ASIC2: variants seen among roughly 807,000 people sequenced by gnomAD.
ASIC2 encodes the protein acid-sensing ion channel 2.
Under a neutral mutation model 57.3 loss-of-function variants are expected in ASIC2, and 25 were observed. The observed-to-expected ratio is 0.44, with a 90% CI of 0.32 to 0.61. The LOEUF (loss-of-function observed/expected upper bound fraction) is 0.61, where lower values mean the gene tolerates loss of function less well. ASIC2 is among the 20% of genes least tolerant of loss of function. The pLI is 0.06. For synonymous variants in ASIC2, 319 were observed against 307.5 expected (o/e 1.04, Z -0.39); for missense variants, 641 against 738.1 (o/e 0.87, Z 1.52).
intron 1 of ASIC2, among the ~76,000 whole-genome samples, chr17:33,383,047 A>ACAAACAAACAAT (rs1016132557): frequency 2.0e-5 from 3 of 151,650 alleles, no homozygotes; most frequent in African/African-American, 7.3e-5. Context: ...AAACAAACAA[A>ACAAACAAACAAT]CAAACACCAC....
intron 1 of ASIC2, among the ~76,000 whole-genome samples, chr17:33,317,072 A>T (rs1201533297): frequency 1.3e-5 from 2 of 152,224 alleles, no homozygotes; most frequent in Admixed American, 1.3e-4. Flanking sequence ...CTTGGGTACC[A>T]TTCTTGTGTT....
At chr17:33,314,412 G>A (rs1372465655) in intron 1 of ASIC2, among the ~76,000 whole-genome samples, 1 of 152,064 alleles carries the variant, frequency 6.6e-6, no homozygotes, top group Admixed American at 6.6e-5. Flanking sequence ...CAAGAACTTG[G>A]GTATTCTTGA....
chr17:33,855,201 A>T (rs1913888648), intron 1 of ASIC2, among the ~76,000 whole-genome samples: 1 of 152,148 alleles, frequency 6.6e-6, no homozygotes, highest in Non-Finnish European at 1.5e-5. Flanking sequence ...AAGTGACCAT[A>T]ACTGGATCTG....
chr17:34,143,466 G>A (rs1214613592), intron 1 of ASIC2, among the ~76,000 whole-genome samples: 1 of 152,196 alleles, frequency 6.6e-6, no homozygotes, highest in Non-Finnish European at 1.5e-5. Context: ...ACTTCTTGTA[G>A]GAATGAATTA....
intron 1 of ASIC2, among the ~76,000 whole-genome samples, chr17:33,707,907 T>C (rs375723255): frequency 6.6e-6 from 1 of 152,344 alleles, no homozygotes; most frequent in East Asian, 1.9e-4. Context: ...TTGGGTCAGC[T>C]TGACTACCCT....
At chr17:33,187,104 C>T (rs368437139) in intron 1 of ASIC2, among the ~76,000 whole-genome samples, 2 of 152,232 alleles carry the variant, frequency 1.3e-5, no homozygotes, top group East Asian at 1.9e-4. Flanking sequence ...TTCTGAATCC[C>T]GGCGAAACCA....
intron 3 of ASIC2, among the ~76,000 whole-genome samples, chr17:33,078,598 C>G (rs1354376394): frequency 6.6e-6 from 1 of 152,122 alleles, no homozygotes. Context: ...AATAATAGCT[C>G]TTTTAGTTGA....
chr17:33,850,897 C>G (rs1468995816), intron 1 of ASIC2, among the ~76,000 whole-genome samples: 1 of 152,042 alleles, frequency 6.6e-6, no homozygotes, highest in East Asian at 1.9e-4. Flanking sequence ...ATGACTTGGA[C>G]TTGGCCGTCC....
intron 1 of ASIC2, chr17:34,118,711 C>G (rs1274122583): frequency 1.3e-5 from 2 of 152,366 alleles, no homozygotes; most frequent in Middle Eastern, 3.4e-3. Flanking sequence ...TGTGTTCCAG[C>G]CAGCTGAGTC....
intron 1 of ASIC2, among the ~76,000 whole-genome samples, chr17:33,973,028 A>C (rs1193762842): frequency 6.6e-6 from 1 of 152,274 alleles, no homozygotes; most frequent in Non-Finnish European, 1.5e-5. Context: ...GCCAGCCCTG[A>C]ATGTGGCACA....
intron 1 of ASIC2, among the ~76,000 whole-genome samples, chr17:33,493,762 C>T (rs963424661): frequency 3.3e-5 from 5 of 152,146 alleles, no homozygotes; most frequent in Admixed American, 6.5e-5. Flanking sequence ...TCCCCTCCCT[C>T]CACCCTGTGC....
chr17:33,132,641 G>T (rs370687471), intron 1 of ASIC2, among the ~76,000 whole-genome samples: 1 of 152,314 alleles, frequency 6.6e-6, no homozygotes, highest in South Asian at 2.1e-4. Context: ...CTCTGGTAGA[G>T]TCCAATTTCC....
At chr17:33,571,972 G>A (rs1916461610) in intron 1 of ASIC2, 1 of 152,174 alleles carries the variant, frequency 6.6e-6, no homozygotes, top group South Asian at 2.1e-4. Flanking sequence ...TATATTTCTG[G>A]CATTTTCTCT....
At chr17:33,847,427 C>A (rs1302800288) in intron 1 of ASIC2, among the ~76,000 whole-genome samples, 1 of 152,038 alleles carries the variant, frequency 6.6e-6, no homozygotes, top group Non-Finnish European at 1.5e-5. Flanking sequence ...CCTTATATGA[C>A]CTGACACTCT....
chr17:33,052,649 T>C (rs1299734583), intron 3 of ASIC2, among the ~76,000 whole-genome samples: 1 of 151,948 alleles, frequency 6.6e-6, no homozygotes, highest in African/African-American at 2.4e-5. Flanking sequence ...TCCCTGCTTG[T>C]TGGGGTCTTT....
chr17:33,331,086 T>G (rs1907294866), intron 1 of ASIC2, among the ~76,000 whole-genome samples: 1 of 152,114 alleles, frequency 6.6e-6, no homozygotes, highest in African/African-American at 2.4e-5. Flanking sequence ...AGATCAGCAG[T>G]GGTGTTAGAT....
At chr17:34,088,380 C>G (rs1339026804) in intron 1 of ASIC2, among the ~76,000 whole-genome samples, 2 of 152,150 alleles carry the variant, frequency 1.3e-5, no homozygotes, top group Non-Finnish European at 2.9e-5. Flanking sequence ...GCGAATGCTG[C>G]TGTCTGATTG....
At chr17:34,075,936 G>C (rs1367163329) in intron 1 of ASIC2, among the ~76,000 whole-genome samples, 5 of 141,510 alleles carry the variant, frequency 3.5e-5, no homozygotes, top group African/African-American at 1.0e-4. Context: ...TCAAGTGATT[G>C]TCTTGCCTCA....
At chr17:33,852,505 G>A (rs1039548287) in intron 1 of ASIC2, among the ~76,000 whole-genome samples, 3 of 152,136 alleles carry the variant, frequency 2.0e-5, no homozygotes, top group African/African-American at 7.2e-5. Context: ...ATGTGTAAAA[G>A]ATTTTACATG....
Sources: allele counts gnomAD v4.1 joint callset (sites outside exome capture counted in the v4.1 genomes callset), GRCh38; gene constraint gnomAD v4.1.1; transcripts MANE v1.5; gene names NCBI Gene and HGNC (gene_info 2026-07-23, HGNC 2026-07-21).